FIG4: variants seen among roughly 807,000 people sequenced by gnomAD.
FIG4 encodes the protein FIG4 phosphoinositide 5-phosphatase.
FIG4 carries 112 observed loss-of-function variants against 118.6 expected under a neutral mutation model. The ratio of observed to expected loss-of-function variants is 0.94; its 90% CI spans 0.81 to 1.11. The LOEUF (loss-of-function observed/expected upper bound fraction) is 1.11. Ranked by LOEUF, FIG4 falls within the 50% of genes least tolerant of loss-of-function variation. The pLI is 0.00. For missense variants in FIG4, 969 were observed against 1,111.7 expected, an observed-to-expected ratio of 0.87 and a Z score of 1.83; for synonymous variants, 369 against 381.2, an observed-to-expected ratio of 0.97 and a Z score of 0.37.
rs745511182 is a variant in FIG4, at chr6:109,791,518, C to T, written c.2323C>T (p.Arg775Cys). ...GGAAGAAGAGGGCTCTGTGTCTCAG[C>T]GCTCCACTCCCGTGAAGATGACTGA... ...DREEEGSVSQRSTPVKMTDAG... is the reference protein window; with the variant it reads ...DREEEGSVSQCSTPVKMTDAG... Residue 775 changes from arginine to cysteine, a missense_variant, in exon 20 of 23, where the codon CGC (arginine) becomes TGC (cysteine). By Grantham distance (180) the Arg-to-Cys change is radical. Transcript: ENST00000230124. 18 of 1,613,864 alleles carry T rather than the reference C, an allele frequency of 1.1e-5. No individual in the cohort carries two copies. Among genetic ancestry groups the T allele is most frequent in the South Asian group, 1.1e-4 (10 of 91,082 alleles).
chr6:109,812,175 T>A (rs1778737371), intron 22 of FIG4, among the ~76,000 whole-genome samples: 1 of 152,150 alleles, frequency 6.6e-6, no homozygotes, highest in Non-Finnish European at 1.5e-5. Flanking sequence ...TTTCCATGAT[T>A]GTAAATTTCC....
chr6:109,740,917 C>T (rs1486635576), intron 7 of FIG4, among the ~76,000 whole-genome samples: 1 of 152,054 alleles, frequency 6.6e-6, no homozygotes, highest in Admixed American at 6.6e-5. Flanking sequence ...CATGTCTTCA[C>T]AATGGCAGAG....
chr6:109,815,226 A>C (rs4388322), intron 22 of FIG4, among the ~76,000 whole-genome samples: 84,766 of 151,498 alleles, frequency 0.56, 24,743 homozygotes, highest in East Asian at 0.83. Flanking sequence ...ACCCCTTCCC[A>C]GACATGAACG....
At position 109,766,826 on chromosome 6, in the gene FIG4, G is replaced by A; in HGVS notation, c.1681G>A (p.Ala561Thr). 1.2e-6 allele frequency: 2 copies of A among 1,613,960 alleles called. No homozygotes were observed. The highest frequency in any genetic ancestry group is 1.7e-6 in the Non-Finnish European group (2 of 1,179,892). The change falls in exon 15 of 23, where the codon GCA (alanine) becomes ACA (threonine). Residue 561 changes from alanine to threonine, a missense_variant. By Grantham distance (58) the Ala-to-Thr change is moderately conservative. Coordinates refer to ENST00000230124, the MANE Select transcript of FIG4 (RefSeq NM_014845.6). ...VHRVKTYRKIAPWTQHSKDIM... is the reference protein window; with the variant it reads ...VHRVKTYRKITPWTQHSKDIM... Reference sequence around the variant, plus strand: ...TCGTGTGAAAACCTACAGAAAGATAGCACCATGGACCCAGCACTCCAAAGA... The same window carrying A: ...TCGTGTGAAAACCTACAGAAAGATAACACCATGGACCCAGCACTCCAAAGA...
chr6:109,752,572 C>T (rs574128461), intron 10 of FIG4, among the ~76,000 whole-genome samples: 29 of 152,294 alleles, frequency 1.9e-4, no homozygotes, highest in East Asian at 9.6e-4. Flanking sequence ...TTTTGATTTG[C>T]GTTTCTCTGA....
At position 109,776,628 on chromosome 6, in the gene FIG4, A is replaced by G. The variant is rs59852203; in HGVS notation, c.1751-294A>G. On this transcript the variant is annotated intron_variant, in intron 15 of 22. Coordinates refer to ENST00000230124, the MANE Select transcript of FIG4 (RefSeq NM_014845.6). ...AATAAAATTGCTATCTAAGGTATTT[A>G]CTATCTGAGTTCTTAAAGATGTTTA... Among the ~76,000 whole-genome samples, 933 of 152,320 alleles carry G rather than the reference A, an allele frequency of 6.1e-3. 13 individuals carry two copies. The highest frequency in any genetic ancestry group is 0.021 in the African/African-American group (886 of 41,568).
chr6:109,746,489 A>G (rs56809191), intron 10 of FIG4, among the ~76,000 whole-genome samples: 3,170 of 152,206 alleles, frequency 0.021, 99 homozygotes, highest in African/African-American at 0.073. Context: ...AGAGCGCAGC[A>G]TGTACAAAGG....
At chr6:109,692,937 G>A (rs981597920) in intron 1 of FIG4, among the ~76,000 whole-genome samples, 12 of 152,128 alleles carry the variant, frequency 7.9e-5, no homozygotes, top group African/African-American at 2.4e-4. Flanking sequence ...CCTGGCTTCA[G>A]CCTCCCAAAG....
chr6:109,696,618 T>C (rs1414477171), intron 1 of FIG4, among the ~76,000 whole-genome samples: 1 of 152,214 alleles, frequency 6.6e-6, no homozygotes, highest in Non-Finnish European at 1.5e-5. Flanking sequence ...GAGGACATTA[T>C]GTTATATGAA....
intron 8 of FIG4, among the ~76,000 whole-genome samples, chr6:109,742,341 A>G (rs190769886): frequency 2.0e-3 from 301 of 152,156 alleles, no homozygotes; most frequent in Non-Finnish European, 1.5e-3. Flanking sequence ...CTAGGAAATA[A>G]CAACAGCAAA....
intron 15 of FIG4, among the ~76,000 whole-genome samples, chr6:109,769,706 C>T (rs934311159): frequency 7.2e-5 from 11 of 151,770 alleles, no homozygotes; most frequent in African/African-American, 2.7e-4. Flanking sequence ...GGCTGCTTGG[C>T]CCAGGAGTTT....
chr6:109,704,325 A>T (rs1774991063), intron 1 of FIG4, among the ~76,000 whole-genome samples: 1 of 152,162 alleles, frequency 6.6e-6, no homozygotes. Context: ...CCAATGAGTG[A>T]CATCAATAGA....
At chr6:109,812,377 CTCTCA>C (rs1368448414) in intron 22 of FIG4, among the ~76,000 whole-genome samples, 4 of 152,158 alleles carry the variant, frequency 2.6e-5, no homozygotes, top group Non-Finnish European at 5.9e-5. Context: ...CTCAGGGAAC[CTCTCA>C]CAGGAGCTTA....
intron 10 of FIG4, among the ~76,000 whole-genome samples, chr6:109,759,481 G>A (rs1777033390): frequency 6.6e-6 from 1 of 152,148 alleles, no homozygotes; most frequent in South Asian, 2.1e-4. Context: ...ATGTTGTAAG[G>A]AAGATACTGT....
chr6:109,779,279 A>T (rs1777723151), intron 16 of FIG4, among the ~76,000 whole-genome samples: 1 of 152,190 alleles, frequency 6.6e-6, no homozygotes, highest in African/African-American at 2.4e-5. Flanking sequence ...GCCATAACTC[A>T]ATTTTCCACT....
chr6:109,738,311 C>G lies in FIG4; in HGVS notation c.647-14C>G. 1 of 1,596,230 alleles carries G rather than the reference C, an allele frequency of 6.3e-7. No individual in the cohort carries two copies. Among genetic ancestry groups the G allele is most frequent in the East Asian group, 2.2e-5 (1 of 44,700 alleles). ...TTGTGTATTTATGGACTGATACAGA[C>G]TTTTATTTTTCAGGGGTATTTGGGA... On this transcript the variant is annotated splice_polypyrimidine_tract_variant and intron_variant, in intron 6 of 22. Coordinates refer to ENST00000230124, the MANE Select transcript of FIG4 (RefSeq NM_014845.6).
chr6:109,730,876 CAA>C (rs549547512), intron 4 of FIG4, among the ~76,000 whole-genome samples: 2 of 151,912 alleles, frequency 1.3e-5, no homozygotes, highest in Non-Finnish European at 2.9e-5. Context: ...ATAAGGCAAA[CAA>C]TGCTATATTT....
chr6:109,704,593 G>A (rs1775002391), intron 1 of FIG4, among the ~76,000 whole-genome samples: 1 of 150,460 alleles, frequency 6.6e-6, no homozygotes, highest in Admixed American at 6.7e-5. Flanking sequence ...GCTTGAACCT[G>A]GGAAGCCAGG....
At position 109,803,710 on chromosome 6, in the gene FIG4, C is replaced by T. The variant is rs191943107; in HGVS notation, c.2546+6859C>T. ...TGTATACATGTGCCATGTTGGTGTG[C>T]TGCACCCATTGACTCATCATTTACA... On this transcript the variant is annotated intron_variant, in intron 22 of 22. Coordinates refer to ENST00000230124, the MANE Select transcript of FIG4 (RefSeq NM_014845.6). Among the ~76,000 whole-genome samples the T allele has an allele frequency of 3.0e-3, 461 of 151,706 alleles. 1 individual carries two copies. The highest frequency in any genetic ancestry group is 4.3e-3 in the Non-Finnish European group (292 of 67,940).
Sources: allele counts gnomAD v4.1 joint callset (sites outside exome capture counted in the v4.1 genomes callset), GRCh38; gene constraint gnomAD v4.1.1; transcripts MANE v1.5; gene names NCBI Gene and HGNC (gene_info 2026-07-23, HGNC 2026-07-21).